The following TENM4 variants were observed in gnomAD, a reference collection of about 807,000 sequenced individuals.
TENM4 encodes teneurin transmembrane protein 4, also known as teneurin-4.
In TENM4, 82 loss-of-function variants were observed where a neutral mutation model predicts 243.3. The ratio of observed to expected loss-of-function variants is 0.34; its 90% confidence interval spans 0.28 to 0.40. The LOEUF (loss-of-function observed/expected upper bound fraction) is 0.40, where lower values mean the gene tolerates loss of function less well. Among genes scored for constraint, TENM4 ranks in the 10% least tolerant of loss-of-function variants. TENM4 has a pLI of 1.00. For synonymous variants in TENM4, 1,412 were observed against 1,456.3 expected, an observed-to-expected ratio of 0.97 and a Z score of 0.69; for missense variants, 3,138 against 3,673.3, an observed-to-expected ratio of 0.85 and a Z score of 3.77.
chr11:79,353,636 A>G (rs953925319), intron 1 of TENM4, among the ~76,000 whole-genome samples: 4 of 152,148 alleles, frequency 2.6e-5, no homozygotes, highest in African/African-American at 4.8e-5. Flanking sequence ...TCAATCAAGC[A>G]AATCAGAAAA....
At chr11:78,996,574 C>T (rs1247607270) in intron 6 of TENM4, among the ~76,000 whole-genome samples, 1 of 152,168 alleles carries the variant, frequency 6.6e-6, no homozygotes, top group East Asian at 1.9e-4. Context: ...TGTTACACAG[C>T]AAAGGATACC....
intron 6 of TENM4, among the ~76,000 whole-genome samples, chr11:79,039,831 C>T (rs1236500561): frequency 6.6e-6 from 1 of 152,018 alleles, no homozygotes; most frequent in Non-Finnish European, 1.5e-5. Context: ...CAAAATAGTA[C>T]CTCCTATAAA....
intron 3 of TENM4, among the ~76,000 whole-genome samples, chr11:79,197,356 A>ATTTTG (rs765973755): frequency 6.1e-5 from 6 of 99,168 alleles, no homozygotes; most frequent in African/African-American, 1.6e-4. Context: ...TTTTTTTTAA[A>ATTTTG]AAGCCCCTGC....
rs142451786 is a variant in TENM4, at chr11:79,426,346, T to C, written c.-321+14163A>G. ...TTTGCTTTACGGACAGGTGGATGTC[T>C]GTAGGGGACCCTGGCTCCCTGACTC... is the stretch of plus-strand genomic sequence containing the variant. On this transcript the variant is annotated intron_variant, in intron 1 of 33. Transcript: ENST00000278550. Among the ~76,000 whole-genome samples the C allele has an allele frequency of 2.5e-3, 379 of 152,298 alleles. 3 individuals are homozygous for C. Among genetic ancestry groups the C allele is most frequent in the African/African-American group, 8.7e-3 (361 of 41,558 alleles).
At chr11:78,665,243 CTT>C (rs2135650177) in intron 32 of TENM4, among the ~76,000 whole-genome samples, 2 of 143,730 alleles carry the variant, frequency 1.4e-5, no homozygotes, top group African/African-American at 5.1e-5. Flanking sequence ...TTCTTTCTCT[CTT>C]TCTTTTCTTT....
Position 79,064,770 on chromosome 11 carries a change from A to G in TENM4, c.461T>C (p.Leu154Pro). ...AGTGTTTTCATGCTCGGTGTCGGTG[A>G]GTGTGAGATTGGAATTGGCCCGGCT... Reference protein sequence around the residue: ...LSSRANSNLTLTDTEHENTET... With the variant: ...LSSRANSNLTPTDTEHENTET... Residue 154 changes from leucine to proline, a missense_variant, in exon 6 of 34, where the codon CTC (leucine) becomes CCC (proline). Physicochemically the swap from Leu to Pro is moderately conservative, Grantham distance 98. Transcript: ENST00000278550. 6.4e-7 allele frequency: 1 copy of G among 1,551,614 alleles called. No homozygotes were observed. Among genetic ancestry groups the G allele is most frequent in the Non-Finnish European group, 8.7e-7 (1 of 1,146,984 alleles).
At chr11:78,735,337 T>C (rs1385667672) in intron 20 of TENM4, among the ~76,000 whole-genome samples, 1 of 152,036 alleles carries the variant, frequency 6.6e-6, no homozygotes, top group Non-Finnish European at 1.5e-5. Flanking sequence ...TTTGGGGAAA[T>C]ACTCAAAGAA....
intron 6 of TENM4, among the ~76,000 whole-genome samples, chr11:78,988,418 ATGT>A (rs1339359128): frequency 6.6e-6 from 1 of 152,188 alleles, no homozygotes; most frequent in African/African-American, 2.4e-5. Context: ...AAAATAATAA[ATGT>A]TGTTGTGCTA....
intron 2 of TENM4, among the ~76,000 whole-genome samples, chr11:79,289,647 A>C (rs1856320046): frequency 6.6e-6 from 1 of 152,222 alleles, no homozygotes; most frequent in African/African-American, 2.4e-5. Context: ...TGATCCTAAG[A>C]GCATGCTCCA....
intron 1 of TENM4, among the ~76,000 whole-genome samples, chr11:79,418,181 C>T (rs1181998583): frequency 6.6e-6 from 1 of 152,110 alleles, no homozygotes; most frequent in Non-Finnish European, 1.5e-5. Context: ...TCTATTCTAG[C>T]CGCATTTCAA....
At chr11:78,799,617 A>C (rs1246006175) in intron 15 of TENM4, among the ~76,000 whole-genome samples, 1 of 152,258 alleles carries the variant, frequency 6.6e-6, no homozygotes, top group African/African-American at 2.4e-5. Flanking sequence ...GTCTATGCTT[A>C]AGCTTAGTGT....
At chr11:78,990,697 C>T (rs977722213) in intron 6 of TENM4, among the ~76,000 whole-genome samples, 13 of 152,080 alleles carry the variant, frequency 8.5e-5, no homozygotes, top group Non-Finnish European at 1.6e-4. Flanking sequence ...AAACTGTGAA[C>T]GACAGGATGG....
At chr11:78,937,618 A>T (rs562275919) in intron 6 of TENM4, among the ~76,000 whole-genome samples, 5 of 152,280 alleles carry the variant, frequency 3.3e-5, no homozygotes, top group African/African-American at 9.6e-5. Flanking sequence ...ATTGGTTTGG[A>T]CTGAGCTCTT....
At chr11:79,390,938 T>G (rs1165453559) in intron 1 of TENM4, among the ~76,000 whole-genome samples, 1 of 152,238 alleles carries the variant, frequency 6.6e-6, no homozygotes, top group Admixed American at 6.5e-5. Flanking sequence ...CAATAATGCA[T>G]ATTATTTTAT....
In TENM4 at chr11:78,854,235, G is replaced by C; in HGVS notation, c.1550C>G (p.Ser517Cys). 3 of 1,551,356 alleles carry C rather than the reference G, an allele frequency of 1.9e-6. No homozygotes were observed. Among genetic ancestry groups the C allele is most frequent in the Non-Finnish European group, 2.6e-6 (3 of 1,146,858 alleles). ...GCTGGAGGGGGGCACAGTTCCCCGAGACTGGCGCGGGGTCCCCTCTAGGCT... is the reference window on the plus strand; with the variant it reads ...GCTGGAGGGGGGCACAGTTCCCCGACACTGGCGCGGGGTCCCCTCTAGGCT... ...ARSLEGTPRQSRGTVPPSSHE... is the reference protein window; with the variant it reads ...ARSLEGTPRQCRGTVPPSSHE... The change falls in exon 12 of 34, where the codon TCT (serine) becomes TGT (cysteine). Residue 517 changes from serine (S) to cysteine (C), a missense_variant. Transcript: ENST00000278550.
chr11:79,378,816 G>A (rs1857942325), intron 1 of TENM4, among the ~76,000 whole-genome samples: 1 of 150,784 alleles, frequency 6.6e-6, no homozygotes. Context: ...CCAGGAAGTT[G>A]AGGCTGTAGT....
intron 4 of TENM4, among the ~76,000 whole-genome samples, chr11:79,071,408 T>G (rs958272938): frequency 1.5e-4 from 22 of 151,024 alleles, no homozygotes; most frequent in Non-Finnish European, 2.9e-4. Flanking sequence ...GGTGGGGCCT[T>G]GACAGCTGGG....
intron 3 of TENM4, among the ~76,000 whole-genome samples, chr11:79,209,121 T>C (rs1388946999): frequency 6.6e-6 from 1 of 152,236 alleles, no homozygotes; most frequent in Non-Finnish European, 1.5e-5. Context: ...CATTTGGAAA[T>C]AAACTAGCAT....
chr11:78,879,211 G>A (rs548096202), intron 9 of TENM4, among the ~76,000 whole-genome samples: 1 of 150,284 alleles, frequency 6.7e-6, no homozygotes, highest in African/African-American at 2.5e-5. Flanking sequence ...TCTAGGAAGT[G>A]AGAAGCGCCT....
Sources: allele counts gnomAD v4.1 joint callset (sites outside exome capture counted in the v4.1 genomes callset), GRCh38; gene constraint gnomAD v4.1.1; transcripts MANE v1.5; gene names NCBI Gene and HGNC (gene_info 2026-07-23, HGNC 2026-07-21).